Variants in RNF220 observed in about 807,000 individuals in gnomAD.
The protein encoded by RNF220 is E3 ubiquitin-protein ligase RNF220.
A neutral mutation model predicts 67.1 loss-of-function variants in RNF220; 7 were observed. The observed-to-expected ratio is 0.10, with a 90% confidence interval of 0.06 to 0.20. The LOEUF is 0.20. Ranked by LOEUF, RNF220 falls within the 10% of genes least tolerant of loss-of-function variation. The pLI is 1.00. For missense variants in RNF220, 565 were observed against 740.3 expected (o/e 0.76, Z 2.75); for synonymous variants, 270 against 283.2 (o/e 0.95, Z 0.47).
intron 2 of RNF220, among the ~76,000 whole-genome samples, chr1:44,519,789 T>C (rs1659761073): frequency 1.3e-5 from 2 of 152,002 alleles, no homozygotes; most frequent in Admixed American, 6.6e-5. Flanking sequence ...GTAGGATGTG[T>C]GAGGGGAAAT....
At chr1:44,507,875 C>G (rs1362951583) in intron 2 of RNF220, among the ~76,000 whole-genome samples, 1 of 151,314 alleles carries the variant, frequency 6.6e-6, no homozygotes, top group Admixed American at 6.6e-5. Flanking sequence ...GCCCCCCCCT[C>G]ACCACACTCC....
intron 2 of RNF220, among the ~76,000 whole-genome samples, chr1:44,436,843 G>T (rs773276205): frequency 2.0e-5 from 3 of 152,098 alleles, no homozygotes; most frequent in South Asian, 2.1e-4. Context: ...GCGCCCTCTC[G>T]TCTGTTTACC....
At chr1:44,465,722 C>T (rs929451306) in intron 2 of RNF220, among the ~76,000 whole-genome samples, 8 of 152,198 alleles carry the variant, frequency 5.3e-5, no homozygotes, top group African/African-American at 1.9e-4. Flanking sequence ...TTTTGGTTTT[C>T]TGGTGCATAT....
chr1:44,435,775 T>TA, intron 2 of RNF220, among the ~76,000 whole-genome samples: 1 of 152,036 alleles, frequency 6.6e-6, no homozygotes, highest in Non-Finnish European at 1.5e-5. Context: ...ACTAAAAATA[T>TA]AAAAATTATC....
intron 2 of RNF220, among the ~76,000 whole-genome samples, chr1:44,502,155 T>TCACA (rs1491272514): frequency 3.8e-5 from 4 of 106,332 alleles, no homozygotes; most frequent in African/African-American, 1.3e-4. Flanking sequence ...TCTCTCTCTC[T>TCACA]CTCACACACA....
chr1:44,470,380 C>T (rs1572602482), intron 2 of RNF220, among the ~76,000 whole-genome samples: 1 of 152,192 alleles, frequency 6.6e-6, no homozygotes. Context: ...TTTGAGAGTA[C>T]ACATCAGTCA....
chr1:44,484,979 T>C (rs528829572), intron 2 of RNF220, among the ~76,000 whole-genome samples: 215 of 152,116 alleles, frequency 1.4e-3, no homozygotes, highest in African/African-American at 4.9e-3. Context: ...CCATTTCTAG[T>C]AAAAATACAA....
rs370008040 is a variant in RNF220 at position 44,448,379 on chromosome 1, ACT to A, written c.625+35660_625+35661del. Among the ~76,000 whole-genome samples, 393 of 152,214 alleles carry A rather than the reference ACT, an allele frequency of 2.6e-3. 3 individuals are homozygous for A. The highest frequency in any genetic ancestry group is 9.2e-3 in the African/African-American group (380 of 41,530). On this transcript the variant is annotated intron_variant, in intron 2 of 14. Coordinates refer to ENST00000361799, the MANE Select transcript of RNF220 (RefSeq NM_018150.4). ...GCATGTGCCTGCCTGGGTTCTCTGG[ACT>A]CTGACAGGATTGAGTTTCTGGACTA...
intron 2 of RNF220, among the ~76,000 whole-genome samples, chr1:44,447,184 G>A (rs1261729359): frequency 6.6e-6 from 1 of 152,194 alleles, no homozygotes; most frequent in Non-Finnish European, 1.5e-5. Flanking sequence ...GATATGTACA[G>A]CAGTATATTT....
chr1:44,464,697 G>A (rs982635352), intron 2 of RNF220, among the ~76,000 whole-genome samples: 5 of 152,122 alleles, frequency 3.3e-5, no homozygotes, highest in East Asian at 1.9e-4. Context: ...CTCAACCCAC[G>A]AAAGCCTATC....
intron 2 of RNF220, among the ~76,000 whole-genome samples, chr1:44,591,066 A>T (rs1572974742): frequency 6.6e-6 from 1 of 152,156 alleles, no homozygotes; most frequent in East Asian, 1.9e-4. Context: ...GGTTCAAGCG[A>T]TTCTCCTGCC....
chr1:44,437,361 G>A (rs1399527981), intron 2 of RNF220, among the ~76,000 whole-genome samples: 1 of 152,158 alleles, frequency 6.6e-6, no homozygotes, highest in African/African-American at 2.4e-5. Flanking sequence ...ACCATAATTA[G>A]CAATTAAAAT....
chr1:44,547,999 C>G (rs1353436514), intron 2 of RNF220, among the ~76,000 whole-genome samples: 1 of 152,096 alleles, frequency 6.6e-6, no homozygotes, highest in East Asian at 1.9e-4. Context: ...AACTTGTTCT[C>G]TTTCCTTCAT....
At chr1:44,532,357 T>C (rs1660898699) in intron 2 of RNF220, among the ~76,000 whole-genome samples, 1 of 152,216 alleles carries the variant, frequency 6.6e-6, no homozygotes, top group Admixed American at 6.5e-5. Flanking sequence ...TATGCTGTTT[T>C]TTTAGATAGA....
intron 2 of RNF220, among the ~76,000 whole-genome samples, chr1:44,454,159 C>A (rs910714503): frequency 3.9e-5 from 6 of 152,170 alleles, no homozygotes; most frequent in Non-Finnish European, 8.8e-5. Context: ...GCTGATATGG[C>A]AGAATGAGTT....
chr1:44,627,906 G>A (rs1167317320), intron 5 of RNF220, among the ~76,000 whole-genome samples: 2 of 152,236 alleles, frequency 1.3e-5, no homozygotes, highest in Admixed American at 1.3e-4. Context: ...TTGGAGAGTA[G>A]AGTGCCCAGC....
chr1:44,612,629 A>C (rs931766604), intron 2 of RNF220, among the ~76,000 whole-genome samples: 1 of 152,208 alleles, frequency 6.6e-6, no homozygotes, highest in African/African-American at 2.4e-5. Flanking sequence ...TGCTAGATTT[A>C]GCATATAAAA....
At chr1:44,482,004 G>A (rs773443738) in intron 2 of RNF220, among the ~76,000 whole-genome samples, 5 of 152,218 alleles carry the variant, frequency 3.3e-5, no homozygotes, top group African/African-American at 7.2e-5. Context: ...ATGAGCACCC[G>A]CTTTTCCTGG....
intron 1 of RNF220, among the ~76,000 whole-genome samples, chr1:44,407,052 C>T (rs1396924519): frequency 6.6e-6 from 1 of 152,178 alleles, no homozygotes; most frequent in Admixed American, 6.5e-5. Flanking sequence ...GCCCGTGTTC[C>T]GGCCCTGAGC....
Sources: allele counts gnomAD v4.1 joint callset (sites outside exome capture counted in the v4.1 genomes callset), GRCh38; gene constraint gnomAD v4.1.1; transcripts MANE v1.5; gene names NCBI Gene and HGNC (gene_info 2026-07-23, HGNC 2026-07-21).